The following ADD3 variants were observed in gnomAD, a reference collection of about 807,000 sequenced individuals.
ADD3 encodes the protein gamma-adducin.
In ADD3, 25 loss-of-function variants were observed where a neutral mutation model predicts 80.2. The ratio of observed to expected loss-of-function variants is 0.31; its 90% CI spans 0.23 to 0.44. The LOEUF (loss-of-function observed/expected upper bound fraction) is 0.44. ADD3 is among the 20% of genes least tolerant of loss of function. The pLI is 1.00. For missense variants in ADD3, 829 were observed against 847.5 expected (o/e 0.98, Z 0.27); for synonymous variants, 284 against 289.6 (o/e 0.98, Z 0.20).
At chr10:110,041,300 G>A (rs1856333706) in intron 1 of ADD3, among the ~76,000 whole-genome samples, 1 of 152,154 alleles carries the variant, frequency 6.6e-6, no homozygotes, top group African/African-American at 2.4e-5. Context: ...GTTTTCCAAG[G>A]TGAATGTGCA....
intron 1 of ADD3, among the ~76,000 whole-genome samples, chr10:110,009,377 G>T (rs902568997): frequency 1.3e-5 from 2 of 152,168 alleles, no homozygotes; most frequent in Admixed American, 6.5e-5. Flanking sequence ...ATAGTGCAGG[G>T]TACGTTCCTA....
intron 1 of ADD3, among the ~76,000 whole-genome samples, chr10:110,069,356 A>AAG (rs1187114938): frequency 6.6e-6 from 1 of 152,174 alleles, no homozygotes; most frequent in Non-Finnish European, 1.5e-5. Context: ...CATCAATAGT[A>AAG]AGTTGATCAA....
At chr10:110,031,101 A>G (rs1372444761) in intron 1 of ADD3, among the ~76,000 whole-genome samples, 3 of 152,168 alleles carry the variant, frequency 2.0e-5, no homozygotes, top group African/African-American at 7.2e-5. Flanking sequence ...ATGAGGAAAC[A>G]CTGTCTCTAC....
chr10:110,062,245 T>A (rs1379401162), intron 1 of ADD3, among the ~76,000 whole-genome samples: 1 of 135,828 alleles, frequency 7.4e-6, no homozygotes, highest in African/African-American at 2.8e-5. Context: ...AAATACTAAG[T>A]TAGCTGGGCA....
At position 110,103,383 on chromosome 10, in the gene ADD3, G is replaced by A. The variant is rs944788050; in HGVS notation, c.195+2535G>A. On this transcript the variant is annotated intron_variant, in intron 2 of 14. Transcript: ENST00000356080. ...TGATGAAGTTGCAGTCAATATGTTAGCCAGGGCTGCTGTCATTTGAACACT... is the reference window on the plus strand; with the variant it reads ...TGATGAAGTTGCAGTCAATATGTTAACCAGGGCTGCTGTCATTTGAACACT... Among the ~76,000 whole-genome samples the A allele has an allele frequency of 2.6e-5, 4 of 152,206 alleles. No homozygotes were observed. The East Asian group carries it at 7.7e-4, about 29-fold the overall frequency.
At chr10:110,041,846 CTAGTTATAT>C (rs1856403945) in intron 1 of ADD3, among the ~76,000 whole-genome samples, 1 of 152,198 alleles carries the variant, frequency 6.6e-6, no homozygotes. Context: ...AACTCCCAGG[CTAGTTATAT>C]TACTTTTAAA....
intron 8 of ADD3, 83 bp downstream of exon 8, chr10:110,119,647 ATTAG>A (rs2134124870): frequency 7.6e-6 from 9 of 1,187,852 alleles, no homozygotes; most frequent in East Asian, 2.3e-5. Flanking sequence ...GCAAATACAT[ATTAG>A]TTAGTGGCTT....
chr10:110,118,584 C>T lies in ADD3; in HGVS notation c.568-3C>T. On this transcript the variant is annotated splice_polypyrimidine_tract_variant and splice_region_variant and intron_variant, in intron 5 of 14. Coordinates refer to ENST00000356080, the MANE Select transcript of ADD3 (RefSeq NM_016824.5). ...TTAAATATGTCCTTCTGATTTTTTC[C>T]AGGTGAAAGTCAATATAATAGGAGA... is the stretch of plus-strand genomic sequence containing the variant. The T allele has an allele frequency of 6.2e-7, 1 of 1,612,948 alleles. No individual in the cohort carries two copies. The highest frequency in any genetic ancestry group is 8.5e-7 in the Non-Finnish European group (1 of 1,179,172).
In ADD3 at chr10:110,127,406, C is replaced by T. The variant is rs559568799; in HGVS notation, c.1608+903C>T. On this transcript the variant is annotated intron_variant, in intron 12 of 14. Transcript: ENST00000356080. Reference sequence around the variant, plus strand: ...GGCCGAGGCGGGCAGATCACGAGGTCAAGAGATCAAGACCATCCTGGCCAA... The same window carrying T: ...GGCCGAGGCGGGCAGATCACGAGGTTAAGAGATCAAGACCATCCTGGCCAA... Among the ~76,000 whole-genome samples, 6 of 152,278 alleles carry T rather than the reference C, an allele frequency of 3.9e-5. No individual in the cohort carries two copies. The East Asian group carries it at 1.2e-3, about 29-fold the overall frequency.
chr10:110,126,389 C>G (rs1852162681), intron 11 of ADD3, 28 bp from the exon 12 acceptor site: 2 of 1,584,216 alleles, frequency 1.3e-6, no homozygotes, highest in South Asian at 1.1e-5. Context: ...CCCTCAAGAA[C>G]TTTATATTGA....
intron 1 of ADD3, among the ~76,000 whole-genome samples, chr10:110,040,524 A>G (rs553315831): frequency 7.9e-5 from 12 of 152,346 alleles, no homozygotes; most frequent in African/African-American, 2.6e-4. Flanking sequence ...TGCAGTATAA[A>G]GCAGATAGTT....
intron 12 of ADD3, among the ~76,000 whole-genome samples, chr10:110,127,005 A>G (rs537496105): frequency 2.0e-5 from 3 of 152,350 alleles, no homozygotes; most frequent in East Asian, 1.9e-4. Flanking sequence ...ATTGTTCCCA[A>G]TTTCAGAGAT....
rs146679919 is a variant in ADD3 at position 110,022,022 on chromosome 10, G to A, written c.-30+13723G>A. Among the ~76,000 whole-genome samples the A allele has an allele frequency of 2.5e-4, 38 of 152,242 alleles. No individual in the cohort carries two copies. The East Asian group carries it at 5.0e-3, about 20-fold the overall frequency. ...AAAGTTGGATGAAACAAGAATTACCGCACTCAACCTGGTTTAGCCTGCTTT... is the reference window on the plus strand; with the variant it reads ...AAAGTTGGATGAAACAAGAATTACCACACTCAACCTGGTTTAGCCTGCTTT... On this transcript the variant is annotated intron_variant, in intron 1 of 14. Coordinates refer to ENST00000356080, the MANE Select transcript of ADD3 (RefSeq NM_016824.5).
intron 1 of ADD3, chr10:110,079,201 A>G (rs929743789): frequency 6.6e-6 from 1 of 152,162 alleles, no homozygotes; most frequent in Non-Finnish European, 1.5e-5. Flanking sequence ...AGAGTGTCAG[A>G]TTACCATTGA....
At chr10:110,025,842 A>G (rs1382328759) in intron 1 of ADD3, among the ~76,000 whole-genome samples, 2 of 152,172 alleles carry the variant, frequency 1.3e-5, no homozygotes, top group Non-Finnish European at 2.9e-5. Context: ...TCCCTAGAGC[A>G]GGGTTTGGAC....
chr10:110,128,066 T>G (rs1440851227), intron 12 of ADD3, among the ~76,000 whole-genome samples: 2 of 151,100 alleles, frequency 1.3e-5, no homozygotes, highest in Non-Finnish European at 2.9e-5. Context: ...TTTTTTTTTT[T>G]TTTTTGCTTT....
chr10:110,122,776 C>T (rs963901097), intron 9 of ADD3, among the ~76,000 whole-genome samples: 5 of 151,868 alleles, frequency 3.3e-5, no homozygotes, highest in African/African-American at 7.3e-5. Context: ...TGTGTGCCAC[C>T]GTGCCTGGCT....
chr10:110,056,069 G>A (rs1858157006), intron 1 of ADD3, among the ~76,000 whole-genome samples: 1 of 152,160 alleles, frequency 6.6e-6, no homozygotes, highest in South Asian at 2.1e-4. Flanking sequence ...ATTGCAAGCA[G>A]ATTTTTATAA....
intron 1 of ADD3, among the ~76,000 whole-genome samples, chr10:110,093,822 T>G (rs1700232091): frequency 6.6e-6 from 1 of 152,208 alleles, no homozygotes; most frequent in African/African-American, 2.4e-5. Flanking sequence ...CTTTATGGTG[T>G]GTGGGTGTGT....
Sources: gnomAD v4.1 joint callset for allele counts (sites outside exome capture counted in the v4.1 genomes callset) on GRCh38, gnomAD v4.1.1 for gene constraint, MANE v1.5 for transcripts, NCBI Gene and HGNC (gene_info 2026-07-23, HGNC 2026-07-21) for gene names.